Variants in DNAJC6 observed in about 807,000 individuals in gnomAD.
DNAJC6 encodes the protein DnaJ heat shock protein family (Hsp40) member C6.
Under a neutral mutation model 110.0 loss-of-function variants are expected in DNAJC6, and 34 were observed. The observed-to-expected ratio is 0.31, with a 90% confidence interval of 0.24 to 0.41. The LOEUF (loss-of-function observed/expected upper bound fraction) is 0.41, where lower values mean the gene tolerates loss of function less well. Among genes scored for constraint, DNAJC6 ranks in the 10% least tolerant of loss-of-function variants. The pLI, the probability that DNAJC6 is intolerant of heterozygous loss-of-function variation, is 1.00. For missense variants in DNAJC6, 1,031 were observed against 1,207.8 expected, an observed-to-expected ratio of 0.85 and a Z score of 2.17; for synonymous variants, 406 against 437.2, an observed-to-expected ratio of 0.93 and a Z score of 0.89.
intron 17 of DNAJC6, among the ~76,000 whole-genome samples, chr1:65,410,793 T>C (rs564940552): frequency 7.9e-5 from 12 of 152,234 alleles, no homozygotes; most frequent in South Asian, 2.1e-4. Context: ...ATAATACTTT[T>C]CCTCAAACAG....
intron 1 of DNAJC6, among the ~76,000 whole-genome samples, chr1:65,290,302 G>A (rs1326064940): frequency 6.6e-6 from 1 of 152,168 alleles, no homozygotes; most frequent in Non-Finnish European, 1.5e-5. Flanking sequence ...TTCTGTCAAT[G>A]TGGTTTATAT....
intron 6 of DNAJC6, 84 bp from the exon 7 acceptor site, chr1:65,385,628 C>T (rs552001060): frequency 9.6e-6 from 12 of 1,244,472 alleles, no homozygotes; most frequent in Non-Finnish European, 1.3e-5. Flanking sequence ...CAGTAATTTG[C>T]AAGAAGAATC....
At chr1:65,337,108 C>T (rs1645344826) in intron 1 of DNAJC6, among the ~76,000 whole-genome samples, 1 of 150,744 alleles carries the variant, frequency 6.6e-6, no homozygotes, top group Non-Finnish European at 1.5e-5. Flanking sequence ...TTAACCTGTT[C>T]CTTTGTCCTC....
intron 1 of DNAJC6, among the ~76,000 whole-genome samples, chr1:65,267,243 T>C (rs957471771): frequency 2.0e-5 from 3 of 152,080 alleles, no homozygotes. Context: ...GAGCCTTGGG[T>C]TGGGAGTCAA....
rs1433701435 is a variant in DNAJC6, at chr1:65,414,372, A to G, written c.*1347A>G. 1 of 152,788 alleles carries G rather than the reference A, an allele frequency of 6.5e-6. No individual in the cohort carries two copies. Among genetic ancestry groups the G allele is most frequent in the Non-Finnish European group, 1.5e-5 (1 of 68,040 alleles). The allele number at this position is 152,788 out of a possible 1,614,324, so 9.5% of individuals were successfully genotyped here. A position where few individuals can be genotyped will look rare whatever the true frequency, so the allele number is the denominator to read the frequency against. On this transcript the variant is annotated 3_prime_UTR_variant, in exon 19 of 19. Coordinates refer to ENST00000371069, the MANE Select transcript of DNAJC6 (RefSeq NM_001256864.2). ...TTTTGTGTGCACATATACAATGTGC[A>G]TTATACATATATATTAAATATATCC... is the stretch of plus-strand genomic sequence containing the variant.
intron 4 of DNAJC6, among the ~76,000 whole-genome samples, chr1:65,372,108 A>T (rs1385682827): frequency 6.6e-6 from 1 of 150,508 alleles, no homozygotes; most frequent in Non-Finnish European, 1.5e-5. Flanking sequence ...AATTTAGCCA[A>T]CTTTTAGCTG....
At chr1:65,328,964 G>C (rs536786956) in intron 1 of DNAJC6, among the ~76,000 whole-genome samples, 2 of 152,300 alleles carry the variant, frequency 1.3e-5, no homozygotes, top group East Asian at 3.9e-4. Flanking sequence ...TGGGTCAGGT[G>C]CTTCTTTGTG....
At position 65,364,771 on chromosome 1, in the gene DNAJC6, A is replaced by G. The variant is rs1356781689; in HGVS notation, c.330A>G (p.Ile110Met). 6.2e-7 allele frequency: 1 copy of G among 1,612,976 alleles called. No individual in the cohort carries two copies. The highest frequency in any genetic ancestry group is 8.5e-7 in the Non-Finnish European group (1 of 1,179,272). ...TCAAAGACACATCTTCTAGAGTGATACAATCTGTGACCAGGTACGCACATT... is the reference window on the plus strand; with the variant it reads ...TCAAAGACACATCTTCTAGAGTGATGCAATCTGTGACCAGGTACGCACATT... ...DTLKDTSSRV[I>M]QSVTSYTKGD... Residue 110 changes from isoleucine to methionine, a missense_variant, in exon 2 of 19, where the codon ATA (isoleucine) becomes ATG (methionine). By Grantham distance (10) the Ile-to-Met change is conservative. Coordinates refer to ENST00000371069, the MANE Select transcript of DNAJC6 (RefSeq NM_001256864.2).
At chr1:65,274,626 CTTT>C (rs987740344) in intron 1 of DNAJC6, among the ~76,000 whole-genome samples, 3 of 151,712 alleles carry the variant, frequency 2.0e-5, no homozygotes, top group African/African-American at 7.3e-5. Context: ...CTATACTTTA[CTTT>C]TTTCTATACC....
At position 65,388,281 on chromosome 1, in the gene DNAJC6, A is replaced by G. The variant is rs1030996969; in HGVS notation, c.1114-55A>G. ...TGTCTCCCCAAAATCTAATCTTTTGATCAGATTCCCTTTTCGCTGATTGAT... is the reference window on the plus strand; with the variant it reads ...TGTCTCCCCAAAATCTAATCTTTTGGTCAGATTCCCTTTTCGCTGATTGAT... On this transcript the variant is annotated intron_variant, in intron 8 of 18. Transcript: ENST00000371069. 6 of 1,494,052 alleles carry G rather than the reference A, an allele frequency of 4.0e-6. No individual in the cohort carries two copies. In the African/African-American group the frequency reaches 4.1e-5, roughly 10 times the overall value. The allele number at this position is 1,494,052 out of a possible 1,614,324, so 92.5% of individuals were successfully genotyped here.
chr1:65,411,298 T>A lies in DNAJC6; in HGVS notation c.2683T>A (p.Ser895Thr), dbSNP rs1430823330. Residue 895 changes from serine (S) to threonine (T), a missense_variant, in exon 18 of 19, where the codon TCC becomes ACC. Ser to Thr is a moderately conservative substitution (Grantham distance 58, BLOSUM62 1). Coordinates refer to ENST00000371069, the MANE Select transcript of DNAJC6 (RefSeq NM_001256864.2). ...AGAAAGAAATATCAGAGCCCTTCTT[T>A]CCACGATGCATACCGTACTATGGGC... ...GKERNIRALL[S>T]TMHTVLWAGE... 1.3e-5 allele frequency: 21 copies of A among 1,613,974 alleles called. No individual in the cohort carries two copies. The highest frequency in any genetic ancestry group is 1.8e-5 in the Non-Finnish European group (21 of 1,179,970).
At chr1:65,333,957 G>A (rs1645311477) in intron 1 of DNAJC6, among the ~76,000 whole-genome samples, 2 of 152,150 alleles carry the variant, frequency 1.3e-5, no homozygotes, top group Non-Finnish European at 2.9e-5. Flanking sequence ...GTAACCATAA[G>A]GCTTCAGCCA....
chr1:65,320,607 A>G (rs1645189227), intron 1 of DNAJC6, among the ~76,000 whole-genome samples: 1 of 152,240 alleles, frequency 6.6e-6, no homozygotes, highest in Non-Finnish European at 1.5e-5. Flanking sequence ...CATTCATTGC[A>G]TAAATGTCTC....
upstream of DNAJC6, among the ~76,000 whole-genome samples, chr1:65,307,004 C>A (rs866422066): frequency 1.1e-4 from 12 of 106,742 alleles, no homozygotes; most frequent in African/African-American, 3.7e-4. Context: ...CTCTCTCTCT[C>A]TCTCTCTCTC....
intron 1 of DNAJC6, among the ~76,000 whole-genome samples, chr1:65,358,477 G>A (rs983674261): frequency 1.3e-5 from 2 of 152,168 alleles, no homozygotes; most frequent in Non-Finnish European, 2.9e-5. Flanking sequence ...TAGGGTATTT[G>A]TGAAGATTAA....
intron 1 of DNAJC6, among the ~76,000 whole-genome samples, chr1:65,299,792 G>A (rs977548908): frequency 2.0e-5 from 3 of 152,222 alleles, no homozygotes; most frequent in African/African-American, 7.2e-5. Flanking sequence ...GCTCATGCCT[G>A]CAATCCCAGC....
chr1:65,311,386 G>A (rs1433116488), intron 1 of DNAJC6, among the ~76,000 whole-genome samples: 2 of 151,870 alleles, frequency 1.3e-5, no homozygotes, highest in African/African-American at 2.4e-5. Flanking sequence ...CACCATGCCC[G>A]GCTAATTTTT....
At chr1:65,355,279 A>AAAAAAAG (rs1645531868) in intron 1 of DNAJC6, among the ~76,000 whole-genome samples, 2 of 151,852 alleles carry the variant, frequency 1.3e-5, no homozygotes, top group African/African-American at 4.8e-5. Context: ...AAAAAAAAAA[A>AAAAAAAG]AAAAAAAGAA....
intron 4 of DNAJC6, among the ~76,000 whole-genome samples, chr1:65,368,570 T>C (rs1236518347): frequency 7.1e-6 from 1 of 139,922 alleles, no homozygotes; most frequent in Non-Finnish European, 1.5e-5. Flanking sequence ...CCTTCCTTCT[T>C]TCCTCTTCTT....
Sources: allele counts gnomAD v4.1 joint callset (sites outside exome capture counted in the v4.1 genomes callset), GRCh38; gene constraint gnomAD v4.1.1; transcripts MANE v1.5; gene names NCBI Gene and HGNC (gene_info 2026-07-23, HGNC 2026-07-21).